TJP2: variants seen among roughly 807,000 people sequenced by gnomAD.
TJP2 encodes the protein Friedreich ataxia region gene X104 (tight junction protein ZO-2).
TJP2 carries 91 observed loss-of-function variants against 133.1 expected under a neutral mutation model. The observed-to-expected ratio is 0.68, with a 90% confidence interval of 0.58 to 0.81. The LOEUF is 0.81. Ranked by LOEUF, TJP2 falls within the 40% of genes least tolerant of loss-of-function variation. The pLI, the probability that TJP2 is intolerant of heterozygous loss-of-function variation, is 0.00. For missense variants in TJP2, 1,541 were observed against 1,565.6 expected, an observed-to-expected ratio of 0.98 and a Z score of 0.26; for synonymous variants, 592 against 583.4, an observed-to-expected ratio of 1.01 and a Z score of -0.21.
intron 3 of TJP2, among the ~76,000 whole-genome samples, chr9:69,217,663 G>T (rs1432816608): frequency 6.6e-6 from 1 of 152,170 alleles, no homozygotes; most frequent in Admixed American, 6.5e-5. Context: ...TCCTTCCTGG[G>T]TGAGAGAGGG....
intron 5 of TJP2, among the ~76,000 whole-genome samples, chr9:69,225,032 A>C (rs1489421744): frequency 6.6e-6 from 1 of 152,148 alleles, no homozygotes; most frequent in Non-Finnish European, 1.5e-5. Flanking sequence ...GATGTAACTC[A>C]TTCTTCCCCC....
chr9:69,193,065 G>A lies in TJP2; in HGVS notation c.60+18633G>A, dbSNP rs141641794. ...TGAGTAGCTGGCACTACAGGCGTGC[G>A]CCACCACACCTGGCTAATTTTTGTA... On this transcript the variant is annotated intron_variant, in intron 1 of 22. Transcript: ENST00000377245. 7.0e-3 allele frequency among the ~76,000 whole-genome samples: 1,068 copies of A among 151,768 alleles called. 28 individuals are homozygous for A. The East Asian group carries it at 0.097, about 14-fold the overall frequency.
In TJP2 at chr9:69,239,923, C is replaced by A; in HGVS notation, c.2356-14C>A. 1 of 1,609,894 alleles carries A rather than the reference C, an allele frequency of 6.2e-7. No individual in the cohort carries two copies. The highest frequency in any genetic ancestry group is 1.1e-5 in the South Asian group (1 of 90,982). On this transcript the variant is annotated splice_polypyrimidine_tract_variant and intron_variant, in intron 16 of 22. Coordinates refer to ENST00000377245, the MANE Select transcript of TJP2 (RefSeq NM_004817.4). ...ATATATCCATTTCTCTAACTTTTCC[C>A]CTTTTGTAAACAGGATAAGCATGCA...
Position 69,248,235 on chromosome 9 carries a change from G to C in TJP2, c.2880+11G>C, listed in dbSNP as rs1057515618. 1.9e-6 allele frequency: 3 copies of C among 1,579,322 alleles called. No individual in the cohort carries two copies. Among genetic ancestry groups the C allele is most frequent in the Non-Finnish European group, 2.6e-6 (3 of 1,160,968 alleles). ...GTGCAGCACGAGGAGGTGAGGCGAG[G>C]CAGGCCACGGGCAGGAACAGGAGAG... On this transcript the variant is annotated intron_variant, in intron 19 of 22. Coordinates refer to ENST00000377245, the MANE Select transcript of TJP2 (RefSeq NM_004817.4).
In TJP2 at chr9:69,150,840, C is replaced by T. The variant is rs991353602; in HGVS notation, c.-130-811C>T. Among the ~76,000 whole-genome samples, 3 of 151,974 alleles carry T rather than the reference C, an allele frequency of 2.0e-5. No individual in the cohort carries two copies. The South Asian group carries it at 6.2e-4, about 31-fold the overall frequency. On this transcript the variant is annotated intron_variant, in intron 1 of 5. Coordinates refer to the TJP2 transcript ENST00000423935. Reference sequence around the variant, plus strand: ...ATTGTACACAAGTGTTCATAATGACCAAAGAGTAGAAACAACCCAAACTTC... The same window carrying T: ...ATTGTACACAAGTGTTCATAATGACTAAAGAGTAGAAACAACCCAAACTTC...
intron 1 of TJP2, among the ~76,000 whole-genome samples, chr9:69,176,221 T>G (rs952544091): frequency 6.6e-6 from 1 of 152,178 alleles, no homozygotes; most frequent in African/African-American, 2.4e-5. Flanking sequence ...CAAGCCACTA[T>G]AGAAAATGGG....
chr9:69,181,287 C>A (rs996171004), intron 1 of TJP2, among the ~76,000 whole-genome samples: 5 of 124,264 alleles, frequency 4.0e-5, no homozygotes, highest in Non-Finnish European at 7.8e-5. Context: ...CTAGCCCTAT[C>A]GCTGAGGCTG....
intron 1 of TJP2, 96 bp from the exon 2 acceptor site, chr9:69,212,452 C>T: frequency 1.1e-6 from 1 of 932,916 alleles, no homozygotes; most frequent in East Asian, 2.4e-5. Flanking sequence ...AAAGTGTGAG[C>T]TGGACTTTAT....
rs1825883781 is a variant in TJP2 at position 69,186,749 on chromosome 9, G to A, written c.60+12317G>A. ...AAATATTTCAGCTAGTAGTGTTACA[G>A]CTGGAGGAAGGGACCCGTGGTGTTG... On this transcript the variant is annotated intron_variant, in intron 1 of 22. Coordinates refer to ENST00000377245, the MANE Select transcript of TJP2 (RefSeq NM_004817.4). Among the ~76,000 whole-genome samples the A allele has an allele frequency of 3.9e-5, 6 of 152,326 alleles. No individual in the cohort carries two copies. The South Asian group carries it at 1.2e-3, about 32-fold the overall frequency.
At chr9:69,203,004 A>C (rs1195535246) in intron 1 of TJP2, among the ~76,000 whole-genome samples, 2 of 152,242 alleles carry the variant, frequency 1.3e-5, no homozygotes, top group East Asian at 3.8e-4. Context: ...TGGAATTCTT[A>C]AATTCTAGGA....
chr9:69,213,787 G>T (rs1272806374), intron 2 of TJP2, among the ~76,000 whole-genome samples: 3 of 152,114 alleles, frequency 2.0e-5, no homozygotes, highest in African/African-American at 7.2e-5. Flanking sequence ...CCCAAAATTG[G>T]CAGAGGTCAG....
At chr9:69,206,677 G>A (rs944512627) in intron 1 of TJP2, among the ~76,000 whole-genome samples, 2 of 151,876 alleles carry the variant, frequency 1.3e-5, no homozygotes, top group African/African-American at 2.4e-5. Context: ...TCCCGGGTTC[G>A]AGCCATTCTC....
chr9:69,183,964 C>T (rs1392460730), intron 1 of TJP2, among the ~76,000 whole-genome samples: 1 of 152,178 alleles, frequency 6.6e-6, no homozygotes, highest in East Asian at 1.9e-4. Flanking sequence ...GTCTGCCCAC[C>T]TTGGCCTCCC....
chr9:69,252,168 G>C (rs115380750), intron 21 of TJP2, among the ~76,000 whole-genome samples: 1 of 151,682 alleles, frequency 6.6e-6, no homozygotes, highest in East Asian at 1.9e-4. Flanking sequence ...CTAATTTTTC[G>C]TATTTTTTGA....
upstream of TJP2, among the ~76,000 whole-genome samples, chr9:69,170,828 C>G (rs888287115): frequency 2.6e-5 from 4 of 152,112 alleles, no homozygotes; most frequent in Non-Finnish European, 5.9e-5. Context: ...TATTGGCATT[C>G]CCAGAGATGA....
intron 17 of TJP2, among the ~76,000 whole-genome samples, chr9:69,242,300 A>G (rs1830630739): frequency 6.6e-6 from 1 of 152,162 alleles, no homozygotes; most frequent in East Asian, 1.9e-4. Flanking sequence ...AGCTCCATAG[A>G]TGGATTTCAA....
At position 69,221,083 on chromosome 9, in the gene TJP2, C is replaced by T. The variant is rs1828790204; in HGVS notation, c.539C>T (p.Pro180Leu). 1.9e-6 allele frequency: 3 copies of T among 1,590,106 alleles called. No individual in the cohort carries two copies. The highest frequency in any genetic ancestry group is 2.6e-6 in the Non-Finnish European group (3 of 1,168,828). Reference protein sequence around the residue: ...SWEDSPERGRPHERARSRERD... With the variant: ...SWEDSPERGRLHERARSRERD... Reference sequence around the variant, plus strand: ...GAGGACAGCCCGGAAAGGGGGCGTCCCCATGAGCGGGCCCGGAGCCGGGAG... The same window carrying T: ...GAGGACAGCCCGGAAAGGGGGCGTCTCCATGAGCGGGCCCGGAGCCGGGAG... Residue 180 changes from proline (P) to leucine (L), a missense_variant, in exon 5 of 23, where the codon CCC (proline) becomes CTC (leucine). By Grantham distance (98) the Pro-to-Leu change is moderately conservative (BLOSUM62 -3). Coordinates refer to ENST00000377245, the MANE Select transcript of TJP2 (RefSeq NM_004817.4).
intron 1 of TJP2, among the ~76,000 whole-genome samples, chr9:69,135,188 A>G (rs1822676890): frequency 6.6e-6 from 1 of 152,200 alleles, no homozygotes; most frequent in Admixed American, 6.5e-5. Flanking sequence ...ACCCAGGCCA[A>G]TAACGATTTG....
chr9:69,222,471 A>C lies in TJP2; in HGVS notation c.952+975A>C, dbSNP rs147073513. Among the ~76,000 whole-genome samples the C allele has an allele frequency of 1.4e-4, 22 of 152,206 alleles. No homozygotes were observed. In the East Asian group the frequency reaches 3.5e-3, roughly 24 times the overall value. ...GTGAGCCACCGCATCTGGCCGAGCT[A>C]TCTCTTAATTGCACTTAACCAGCAT... On this transcript the variant is annotated intron_variant, in intron 5 of 22. Coordinates refer to ENST00000377245, the MANE Select transcript of TJP2 (RefSeq NM_004817.4).
Sources: allele counts gnomAD v4.1 joint callset (sites outside exome capture counted in the v4.1 genomes callset), GRCh38; gene constraint gnomAD v4.1.1; transcripts MANE v1.5; gene names NCBI Gene and HGNC (gene_info 2026-07-23, HGNC 2026-07-21).